Variants in SRRT observed in about 807,000 individuals in gnomAD.
SRRT encodes serrate RNA effector molecule homolog.
SRRT carries 32 observed loss-of-function variants against 103.2 expected under a neutral mutation model. The ratio of observed to expected loss-of-function variants is 0.31; its 90% CI spans 0.23 to 0.42. The LOEUF (loss-of-function observed/expected upper bound fraction) is 0.42. Among genes scored for constraint, SRRT ranks in the 10% least tolerant of loss-of-function variants. The pLI is 1.00. For missense variants in SRRT, 986 were observed against 1,207.5 expected (o/e 0.82, Z 2.72); for synonymous variants, 525 against 449.0 (o/e 1.17, Z -2.14).
rs189935237 is a variant in SRRT at position 100,886,171 on chromosome 7, G to A, written c.1459-76G>A. The stretch of plus-strand genomic sequence containing the variant: ...CTGATCAATCGCTGGTGCTCAAGAG[G>A]GAAGGGTCTTAGAGCTGCTGTTTCT... On this transcript the variant is annotated intron_variant, in intron 12 of 19. Coordinates refer to ENST00000611405, the MANE Select transcript of SRRT (RefSeq NM_015908.6). The A allele has an allele frequency of 1.7e-4, 261 of 1,502,208 alleles. 1 individual carries two copies. The Admixed American group carries it at 4.1e-3, about 24-fold the overall frequency. The allele number at this position is 1,502,208 out of a possible 1,614,324, so 93.1% of individuals were successfully genotyped here.
In SRRT at chr7:100,875,590, C is replaced by T. The variant is rs572946795; in HGVS notation, c.-1C>T. ...GTCCCCAGGCCCCCTCAGACCGTGC[C>T]ATGGGTGACAGTGATGACGAGTACG... On this transcript the variant is annotated 5_prime_UTR_variant, in exon 2 of 20. Coordinates refer to ENST00000611405, the MANE Select transcript of SRRT (RefSeq NM_015908.6). 5.1e-5 allele frequency: 83 copies of T among 1,613,946 alleles called. No individual in the cohort carries two copies. In the African/African-American group the frequency reaches 8.4e-4, roughly 16 times the overall value.
Position 100,880,479 on chromosome 7 carries a change from G to A in SRRT, c.123-806G>A, listed in dbSNP as rs371322147. On this transcript the variant is annotated intron_variant, in intron 2 of 19. Coordinates refer to ENST00000611405, the MANE Select transcript of SRRT (RefSeq NM_015908.6). ...CACCACGCCTGGCTAATTTTTTTTTGTATTTTTAGTAGAGACTGGGTTTCA... is the reference window on the plus strand; with the variant it reads ...CACCACGCCTGGCTAATTTTTTTTTATATTTTTAGTAGAGACTGGGTTTCA... Among the ~76,000 whole-genome samples, 8 of 151,850 alleles carry A rather than the reference G, an allele frequency of 5.3e-5. No homozygotes were observed. The East Asian group carries it at 1.4e-3, about 26-fold the overall frequency.
At position 100,881,369 on chromosome 7, in the gene SRRT, T is replaced by G. The variant is rs759835202; in HGVS notation, c.207T>G (p.Pro69=). The G allele has an allele frequency of 2.5e-6, 4 of 1,612,870 alleles. No homozygotes were observed. In the African/African-American group the frequency reaches 5.3e-5, roughly 22 times the overall value. ...ATCGGCGAGAGCGCTTCTCGCCACCTCGCCACGAACTCAGCCCGCCACAGA... is the reference window on the plus strand; with the variant it reads ...ATCGGCGAGAGCGCTTCTCGCCACCGCGCCACGAACTCAGCCCGCCACAGA... The part of the protein sequence containing the change: ...DRNRRERFSP[P]RHELSPPQKR... The change falls in exon 3 of 20, where the codon CCT becomes CCG. Residue 69 remains proline (P), a synonymous_variant. Coordinates refer to ENST00000611405, the MANE Select transcript of SRRT (RefSeq NM_015908.6).
At chr7:100,876,023 G>T in intron 2 of SRRT, 1 of 314,970 alleles carries the variant, frequency 3.2e-6, no homozygotes, top group South Asian at 2.7e-5. Flanking sequence ...TTGTTCTGCT[G>T]CCCTGGCTGG....
chr7:100,884,550 C>G lies in SRRT; in HGVS notation c.940C>G (p.Gln314Glu). 3.7e-6 allele frequency: 6 copies of G among 1,605,966 alleles called. No homozygotes were observed. Among genetic ancestry groups the G allele is most frequent in the Non-Finnish European group, 5.1e-6 (6 of 1,176,646 alleles). ...DKDEKKEDGKQAENDSSNDDK... is the reference protein window; with the variant it reads ...DKDEKKEDGKEAENDSSNDDK... ...GGATGAGAAGAAGGAAGACGGCAAG[C>G]AGGTCCGAGCCCTGGGTCTCCTAGT... is the stretch of plus-strand genomic sequence containing the variant. The change falls in exon 7 of 20, where the codon CAG becomes GAG. Residue 314 changes from glutamine to glutamate, a missense_variant and splice_region_variant. Coordinates refer to ENST00000611405, the MANE Select transcript of SRRT (RefSeq NM_015908.6).
Position 100,885,638 on chromosome 7 carries a change from G to A in SRRT, c.1318-63G>A, listed in dbSNP as rs936707558. ...CCCTAGGGTTCTGAGGGCAGTGGGG[G>A]ATTGGAGGAAGAAGCGAATGAATCC... On this transcript the variant is annotated intron_variant, in intron 10 of 19. Transcript: ENST00000611405. The surrounding 1 kb of genome is among the most constrained non-coding windows in gnomAD (Gnocchi z 4.8). 4.0e-6 allele frequency: 6 copies of A among 1,516,202 alleles called. No individual in the cohort carries two copies. The highest frequency in any genetic ancestry group is 1.4e-5 in the African/African-American group (1 of 72,448). The allele number at this position is 1,516,202 out of a possible 1,614,324, so 93.9% of individuals were successfully genotyped here. A position where few individuals can be genotyped will look rare whatever the true frequency, so the allele number is the denominator to read the frequency against.
intron 13 of SRRT, 144 bp downstream of exon 13, chr7:100,886,579 C>G (rs1377117651): frequency 1.4e-5 from 14 of 987,412 alleles, no homozygotes; most frequent in Non-Finnish European, 2.1e-5. Flanking sequence ...TGGGTAGCAG[C>G]ACCTCCAGAT....
chr7:100,885,883 T>C lies in SRRT; in HGVS notation c.1400T>C (p.Val467Ala), dbSNP rs773742753. ...PERRFFRRGW[V>A]TFDRSVNIKE... The stretch of plus-strand genomic sequence containing the variant: ...TGTAGGTTTTTCCGTCGTGGCTGGG[T>C]GACCTTCGACCGCAGTGTTAACATT... The change falls in exon 12 of 20, where the codon GTG (valine) becomes GCG (alanine). Residue 467 changes from valine to alanine, a missense_variant. By Grantham distance (64) the Val-to-Ala change is moderately conservative. Coordinates refer to ENST00000611405, the MANE Select transcript of SRRT (RefSeq NM_015908.6). The surrounding 1 kb of genome is among the most constrained non-coding windows in gnomAD (Gnocchi z 4.8). 6 of 1,613,978 alleles carry C rather than the reference T, an allele frequency of 3.7e-6. No individual in the cohort carries two copies. The highest frequency in any genetic ancestry group is 4.2e-6 in the Non-Finnish European group (5 of 1,180,010).
At position 100,888,335 on chromosome 7, in the gene SRRT, A is replaced by C. The variant is rs1488446928; in HGVS notation, c.2507A>C (p.Tyr836Ser). Residue 836 changes from tyrosine (Y) to serine (S), a missense_variant, in exon 19 of 20, where the codon TAT becomes TCT. Tyr to Ser is a moderately radical substitution (Grantham distance 144). This residue lies in a region of SRRT where 178 missense variants were observed against 189.6 expected (regional missense o/e 0.94). Coordinates refer to ENST00000611405, the MANE Select transcript of SRRT (RefSeq NM_015908.6). ...CCGTATGGTGCTGGTCGAGGGAACT[A>C]TGATGCCTTCCGAGGCCAGGGAGGT... ...HAPYGAGRGN[Y>S]DAFRGQGGYP... The C allele has an allele frequency of 4.5e-5, 72 of 1,614,120 alleles. No homozygotes were observed. Among genetic ancestry groups the C allele is most frequent in the Non-Finnish European group, 5.8e-5 (69 of 1,180,000 alleles).
In SRRT at chr7:100,887,833, C is replaced by A; in HGVS notation, c.2300C>A (p.Pro767Gln). The change falls in exon 17 of 20, where the codon CCA becomes CAA. Residue 767 changes from proline (P) to glutamine (Q), a missense_variant. Pro to Gln is a moderately conservative substitution (Grantham distance 76). Around this residue, in one of 6 missense-constraint regions of SRRT, gnomAD observed 178 missense variants for 189.6 expected, o/e 0.94. Coordinates refer to ENST00000611405, the MANE Select transcript of SRRT (RefSeq NM_015908.6). This position sits in a 1 kb window ranked among gnomAD's most constrained non-coding sequence, Gnocchi z 4.1. Reference protein sequence around the residue: ...AKRPALPEIKPAQPPGPAQIL... With the variant: ...AKRPALPEIKQAQPPGPAQIL... ...CGCCCAGCTCTGCCTGAGATCAAGCCAGCCCAGCCACCTGGCCCCGCCCAG... is the reference window on the plus strand; with the variant it reads ...CGCCCAGCTCTGCCTGAGATCAAGCAAGCCCAGCCACCTGGCCCCGCCCAG... 6.2e-7 allele frequency: 1 copy of A among 1,607,474 alleles called. No homozygotes were observed. The highest frequency in any genetic ancestry group is 1.3e-5 in the African/African-American group (1 of 74,936).
At chr7:100,875,982 C>CT (rs917056678) in intron 2 of SRRT, 37 of 386,408 alleles carry the variant, frequency 9.6e-5, no homozygotes, top group South Asian at 2.1e-4. Flanking sequence ...TGCTTTTTTG[C>CT]TTTTTTTTGT....
Position 100,885,354 on chromosome 7 carries a change from G to A in SRRT, c.1301G>A (p.Arg434Gln), listed in dbSNP as rs756753262. 3.7e-6 allele frequency: 6 copies of A among 1,613,556 alleles called. No homozygotes were observed. The highest frequency in any genetic ancestry group is 5.1e-6 in the Non-Finnish European group (6 of 1,179,628). The stretch of plus-strand genomic sequence containing the variant: ...CGCAACATCGCGCCCAACATCTCCC[G>A]GGCCGAGATCATCTCCGTGAGTGGG... Reference protein sequence around the residue: ...FMRNIAPNISRAEIISLCKRY... With the variant: ...FMRNIAPNISQAEIISLCKRY... Residue 434 changes from arginine (R) to glutamine (Q), a missense_variant, in exon 10 of 20, where the codon CGG becomes CAG. Physicochemically the swap from Arg to Gln is conservative, Grantham distance 43 (BLOSUM62 1). This residue lies in a region of SRRT where 349 missense variants were observed against 446.9 expected (regional missense o/e 0.78). Coordinates refer to ENST00000611405, the MANE Select transcript of SRRT (RefSeq NM_015908.6). The surrounding 1 kb of genome is among the most constrained non-coding windows in gnomAD (Gnocchi z 4.8).
chr7:100,877,126 TA>T (rs113003080), intron 2 of SRRT, among the ~76,000 whole-genome samples: 147 of 142,774 alleles, frequency 1.0e-3, no homozygotes, highest in African/African-American at 1.6e-3. Context: ...AGCAAAGAGT[TA>T]AAAAAAAAAA....
In SRRT at chr7:100,875,248, C is replaced by A; in HGVS notation, c.-99C>A. The stretch of plus-strand genomic sequence containing the variant: ...GTCTCCGTCTCGCCCTCCTCGAAGT[C>A]CTCGTCGCGCGCCCGCGACCCAGGT... On this transcript the variant is annotated 5_prime_UTR_variant, in exon 1 of 20. Coordinates refer to ENST00000611405, the MANE Select transcript of SRRT (RefSeq NM_015908.6). 2.4e-6 allele frequency: 1 copy of A among 420,196 alleles called. No individual in the cohort carries two copies. The highest frequency in any genetic ancestry group is 3.7e-6 in the Non-Finnish European group (1 of 271,142). 26.0% of individuals were successfully genotyped at this position (420,196 alleles called of 1,614,324 possible).
intron 2 of SRRT, among the ~76,000 whole-genome samples, chr7:100,877,657 G>A (rs999394862): frequency 1.3e-5 from 2 of 151,676 alleles, no homozygotes; most frequent in Non-Finnish European, 2.9e-5. Flanking sequence ...GAGTTGCTGG[G>A]ATTACAGGTG....
chr7:100,882,014 C>A lies in SRRT; in HGVS notation c.399-39C>A, dbSNP rs760419901. On this transcript the variant is annotated intron_variant, in intron 4 of 19. Coordinates refer to ENST00000611405, the MANE Select transcript of SRRT (RefSeq NM_015908.6). This position sits in a 1 kb window ranked among gnomAD's most constrained non-coding sequence, Gnocchi z 4.2. ...TTGGCCCCTGTAGCCTCCCACCGTT[C>A]CCCAAAAACCAAGCCTTCCTGACCG... 1.3e-6 allele frequency: 2 copies of A among 1,588,514 alleles called. No homozygotes were observed. The highest frequency in any genetic ancestry group is 1.1e-5 in the South Asian group (1 of 88,240).
intron 2 of SRRT, among the ~76,000 whole-genome samples, chr7:100,878,832 G>T (rs1815996831): frequency 1.3e-5 from 2 of 152,078 alleles, no homozygotes; most frequent in South Asian, 4.1e-4. Flanking sequence ...CTCCTGATTA[G>T]CTGGGACTAC....
Position 100,881,904 on chromosome 7 carries a change from G to C in SRRT, c.398+99G>C, listed in dbSNP as rs1351616047. ...AGCCAGGGAGCGGGTCAGGCACACA[G>C]AGGCATGTCCCTGGGGTAGGGGTGG... On this transcript the variant is annotated intron_variant, in intron 4 of 19. Transcript: ENST00000611405. 2.7e-6 allele frequency: 4 copies of C among 1,488,832 alleles called. No homozygotes were observed. The South Asian group carries it at 3.9e-5, about 15-fold the overall frequency. 92.2% of individuals were successfully genotyped at this position (1,488,832 alleles called of 1,614,324 possible). A position where few individuals can be genotyped will look rare whatever the true frequency, so the allele number is the denominator to read the frequency against.
At chr7:100,881,595 C>T (rs1789565946) in intron 3 of SRRT, 64 bp from the exon 4 acceptor site, 1 of 1,606,482 alleles carries the variant, frequency 6.2e-7, no homozygotes, top group East Asian at 2.2e-5. Context: ...CCCGTCTGTC[C>T]ATCCTCCATG....
Sources: allele counts gnomAD v4.1 joint callset (sites outside exome capture counted in the v4.1 genomes callset), GRCh38; gene constraint gnomAD v4.1.1; regional missense constraint gnomAD v4.1.1; non-coding constraint Gnocchi (gnomAD v3.1); transcripts MANE v1.5; gene names NCBI Gene and HGNC (gene_info 2026-07-23, HGNC 2026-07-21).